Variants in SMARCE1 observed in about 807,000 individuals in gnomAD.
SMARCE1 encodes SWI/SNF related BAF chromatin remodeling complex subunit E1, also known as SWI/SNF-related matrix-associated actin-dependent regulator of chromatin subfamily E member 1.
Under a neutral mutation model 54.9 loss-of-function variants are expected in SMARCE1, and 13 were observed. That is an observed-to-expected ratio of 0.24 (90% CI 0.15 to 0.38). The LOEUF (loss-of-function observed/expected upper bound fraction) is 0.38, where lower values mean the gene tolerates loss of function less well. SMARCE1 is among the 10% of genes least tolerant of loss of function. The pLI, the probability that SMARCE1 is intolerant of heterozygous loss-of-function variation, is 1.00. For synonymous variants in SMARCE1, 151 were observed against 175.3 expected (o/e 0.86, Z 1.10); for missense variants, 295 against 523.8 (o/e 0.56, Z 4.26).
intron 10 of SMARCE1, chr17:40,629,571 G>C (rs2037069735): frequency 8.4e-6 from 10 of 1,186,304 alleles, no homozygotes; most frequent in Non-Finnish European, 1.1e-5. Context: ...GCTGTTTCCT[G>C]TAAGAAATTA....
At chr17:40,636,344 T>TG in intron 6 of SMARCE1, 51 bp downstream of exon 6, 2 of 1,557,624 alleles carry the variant, frequency 1.3e-6, no homozygotes, top group Non-Finnish European at 1.8e-6. Flanking sequence ...AGTAAGCCAA[T>TG]GTTTTATGTA....
rs533219573 is a variant in SMARCE1, at chr17:40,628,112, C to G, written c.*673G>C. On this transcript the variant is annotated 3_prime_UTR_variant, in exon 11 of 11. Transcript: ENST00000348513. ...TACAATAAGGATGGATTTACCAGAA[C>G]ATACCCAGTATTAATCATAACAAAA... 1 of 152,670 alleles carries G rather than the reference C, an allele frequency of 6.6e-6. No homozygotes were observed. Among genetic ancestry groups the G allele is most frequent in the East Asian group, 1.9e-4 (1 of 5,180 alleles). The allele number at this position is 152,670 out of a possible 1,614,324, so 9.5% of individuals were successfully genotyped here. A position where few individuals can be genotyped will look rare whatever the true frequency, so the allele number is the denominator to read the frequency against.
At chr17:40,643,311 G>A (rs1006913256) in intron 3 of SMARCE1, 2 of 152,166 alleles carry the variant, frequency 1.3e-5, no homozygotes, top group African/African-American at 2.4e-5. Context: ...GGTCAATCAT[G>A]AAAACATTTC....
rs1251821702 is a variant in SMARCE1 at position 40,636,000 on chromosome 17, G to A, written c.472C>T (p.Arg158Ter). 1 of 1,613,328 alleles carries A rather than the reference G, an allele frequency of 6.2e-7. No homozygotes were observed. The highest frequency in any genetic ancestry group is 8.5e-7 in the Non-Finnish European group (1 of 1,179,686). Residue 158 changes from arginine to a stop codon, truncating the protein, a stop_gained, in exon 7 of 11, where the codon CGA becomes TGA. Transcript: ENST00000348513. LOFTEE classifies it high-confidence loss of function. ...RAEAALEEESRQRQSRMEKGE... is the reference protein window; with the variant it reads ...RAEAALEEES ...TTCTCCATGCGAGATTGTCTCTGTC[G>A]ACTTTCTTCCTCTAAAGCAGCTTCT...
Position 40,642,229 on chromosome 17 carries a change from A to G in SMARCE1, c.156+226T>C. The stretch of plus-strand genomic sequence containing the variant: ...AAGTGCTCAAGGCTTTAACCCTACC[A>G]ACCACCAAACAGAATGGATTTTTCT... On this transcript the variant is annotated intron_variant, in intron 4 of 10. Transcript: ENST00000348513. This position sits in a 1 kb window ranked among gnomAD's most constrained non-coding sequence, Gnocchi z 4.6. 1 of 614,814 alleles carries G rather than the reference A, an allele frequency of 1.6e-6. No homozygotes were observed. The highest frequency in any genetic ancestry group is 2.9e-6 in the Non-Finnish European group (1 of 348,940). 38.1% of individuals were successfully genotyped at this position (614,814 alleles called of 1,614,324 possible). A position where few individuals can be genotyped will look rare whatever the true frequency, so the allele number is the denominator to read the frequency against.
At position 40,626,214 on chromosome 17, in the gene SMARCE1, G is replaced by A. The variant is rs1468764982; in HGVS notation, c.*2571C>T. On this transcript the variant is annotated 3_prime_UTR_variant, in exon 11 of 11. Transcript: ENST00000348513. Reference sequence around the variant, plus strand: ...TACACTCCAGCCTGGGCAACAGTCAGACTGTCTCAAAAAAAAAGGAAAATT... The same window carrying A: ...TACACTCCAGCCTGGGCAACAGTCAAACTGTCTCAAAAAAAAAGGAAAATT... The A allele has an allele frequency of 2.6e-5, 4 of 151,922 alleles. No homozygotes were observed. Among genetic ancestry groups the A allele is most frequent in the Non-Finnish European group, 5.9e-5 (4 of 67,998 alleles). The allele number at this position is 151,922 out of a possible 1,614,324, so 9.4% of individuals were successfully genotyped here.
intron 7 of SMARCE1, chr17:40,634,179 G>T (rs2037124057): frequency 6.6e-6 from 1 of 152,214 alleles, no homozygotes; most frequent in African/African-American, 2.4e-5. Context: ...ATCCAGGATG[G>T]AGGACAGTGG....
intron 7 of SMARCE1, chr17:40,633,342 T>G (rs2037114759): frequency 6.6e-6 from 1 of 152,172 alleles, no homozygotes; most frequent in Non-Finnish European, 1.5e-5. Flanking sequence ...ATCTAGTGTT[T>G]CCTTAATCTC....
Position 40,630,750 on chromosome 17 carries a change from C to T in SMARCE1, c.991G>A (p.Glu331Lys), listed in dbSNP as rs1213463143. ...EEEQAANKGE[E>K]KKDDENIPME... The stretch of plus-strand genomic sequence containing the variant: ...GGAATGTTCTCGTCGTCTTTCTTCT[C>T]CTCGCCTTTGTTAGCTGCTTGTTCT... The change falls in exon 10 of 11, where the codon GAG (glutamate) becomes AAG (lysine). Residue 331 changes from glutamate to lysine, a missense_variant. Physicochemically the swap from Glu to Lys is moderately conservative, Grantham distance 56. Transcript: ENST00000348513. 2 of 1,614,046 alleles carry T rather than the reference C, an allele frequency of 1.2e-6. No individual in the cohort carries two copies. Among genetic ancestry groups the T allele is most frequent in the Non-Finnish European group, 1.7e-6 (2 of 1,180,052 alleles).
chr17:40,625,492 A>AG lies in SMARCE1; in HGVS notation c.*3292dup, dbSNP rs1189397901. 2 of 152,246 alleles carry AG rather than the reference A, an allele frequency of 1.3e-5. No homozygotes were observed. The highest frequency in any genetic ancestry group is 2.9e-5 in the Non-Finnish European group (2 of 68,046). 9.4% of individuals were successfully genotyped at this position (152,246 alleles called of 1,614,324 possible). On this transcript the variant is annotated 3_prime_UTR_variant, in exon 11 of 11. Coordinates refer to ENST00000348513, the MANE Select transcript of SMARCE1 (RefSeq NM_003079.5). ...ATGCACTAGCTGAAACCAGGTGGGG[A>AG]GACCATGTGTGGTAGTGCTTGGGGG...
Position 40,630,641 on chromosome 17 carries a change from A to G in SMARCE1, c.1027+73T>C, listed in dbSNP as rs1184507743. The G allele has an allele frequency of 3.1e-6, 4 of 1,292,192 alleles. No homozygotes were observed. The Admixed American group carries it at 5.1e-5, about 17-fold the overall frequency. 80.0% of individuals were successfully genotyped at this position (1,292,192 alleles called of 1,614,324 possible). On this transcript the variant is annotated intron_variant, in intron 10 of 10. Transcript: ENST00000348513. ...CAGGTACCAGAATACTTGCACTTAG[A>G]AAGAAAAACCTAAATTAAAGACAGC...
intron 3 of SMARCE1, 149 bp downstream of exon 3, chr17:40,645,427 T>C (rs1597751885): frequency 2.0e-6 from 1 of 500,626 alleles, no homozygotes; most frequent in Non-Finnish European, 3.5e-6. Flanking sequence ...ATAATTATTT[T>C]ATTTAGTAGG....
At chr17:40,641,123 T>C (rs995799453) in intron 4 of SMARCE1, 7 of 152,176 alleles carry the variant, frequency 4.6e-5, no homozygotes, top group South Asian at 2.1e-4. Flanking sequence ...CGTGAAAAAA[T>C]TGCTGCATTA....
chr17:40,637,189 T>C, intron 5 of SMARCE1: 1 of 369,926 alleles, frequency 2.7e-6, no homozygotes, highest in South Asian at 2.7e-5. Context: ...TCATGTAGTC[T>C]TGCAGTCCTC....
intron 8 of SMARCE1, 154 bp downstream of exon 8, chr17:40,632,041 G>A (rs995064712): frequency 1.7e-5 from 10 of 602,818 alleles, no homozygotes; most frequent in Non-Finnish European, 2.9e-5. Flanking sequence ...TTAAACATCT[G>A]GGAAAGGTCC....
At chr17:40,646,791 T>C (rs1438337655) in intron 1 of SMARCE1, among the ~76,000 whole-genome samples, 1 of 152,168 alleles carries the variant, frequency 6.6e-6, no homozygotes, top group Non-Finnish European at 1.5e-5. Flanking sequence ...CAACCAAACA[T>C]GTGGAATAGA....
At position 40,630,006 on chromosome 17, in the gene SMARCE1, C is replaced by T. The variant is rs533123243; in HGVS notation, c.1027+708G>A. ...GTACCAAGTATGACTACTGTCCCTCCCACTTCTTGCAACGATGCTCCAGGA... is the reference window on the plus strand; with the variant it reads ...GTACCAAGTATGACTACTGTCCCTCTCACTTCTTGCAACGATGCTCCAGGA... On this transcript the variant is annotated intron_variant, in intron 10 of 10. Transcript: ENST00000348513. 3 of 426,012 alleles carry T rather than the reference C, an allele frequency of 7.0e-6. No homozygotes were observed. In the East Asian group the frequency reaches 1.1e-4, roughly 15 times the overall value. 26.4% of individuals were successfully genotyped at this position (426,012 alleles called of 1,614,324 possible).
chr17:40,631,480 C>T (rs1029976083), intron 9 of SMARCE1, 112 bp downstream of exon 9: 16 of 614,452 alleles, frequency 2.6e-5, no homozygotes, highest in South Asian at 6.4e-5. Context: ...AAAGTTAGCC[C>T]TGTTTCAAAG....
In SMARCE1 at chr17:40,625,835, A is replaced by G. The variant is rs1417338601; in HGVS notation, c.*2950T>C. 6.6e-6 allele frequency: 1 copy of G among 152,230 alleles called. No homozygotes were observed. Among genetic ancestry groups the G allele is most frequent in the Non-Finnish European group, 1.5e-5 (1 of 68,044 alleles). The allele number at this position is 152,230 out of a possible 1,614,324, so 9.4% of individuals were successfully genotyped here. On this transcript the variant is annotated 3_prime_UTR_variant, in exon 11 of 11. Transcript: ENST00000348513. ...ATTTACCTCTCCAAACCTCGGCTTT[A>G]TAGAATAGATAATTATCACATCCTG...
Sources: gnomAD v4.1 joint callset for allele counts (sites outside exome capture counted in the v4.1 genomes callset) on GRCh38, gnomAD v4.1.1 for gene constraint, Gnocchi (gnomAD v3.1) non-coding constraint, MANE v1.5 for transcripts, NCBI Gene and HGNC (gene_info 2026-07-23, HGNC 2026-07-21) for gene names.